BIRC6: variants seen among roughly 807,000 people sequenced by gnomAD.
BIRC6 encodes dual E2 ubiquitin-conjugating enzyme/E3 ubiquitin-protein ligase BIRC6.
Under a neutral mutation model 503.3 loss-of-function variants are expected in BIRC6, and 98 were observed. The ratio of observed to expected loss-of-function variants is 0.19; its 90% CI spans 0.17 to 0.23. The LOEUF (loss-of-function observed/expected upper bound fraction) is 0.23. Ranked by LOEUF, BIRC6 falls within the 10% of genes least tolerant of loss-of-function variation. The pLI is 1.00. For missense variants in BIRC6, 5,360 were observed against 5,806.0 expected (o/e 0.92, Z 2.50); for synonymous variants, 2,240 against 2,078.7 (o/e 1.08, Z -2.11).
In BIRC6 at chr2:32,357,548, C is replaced by T; in HGVS notation, c.325+62C>T. On this transcript the variant is annotated intron_variant, in intron 1 of 73. Transcript: ENST00000421745. The surrounding 1 kb of genome is among the most constrained non-coding windows in gnomAD (Gnocchi z 4.9). Reference sequence around the variant, plus strand: ...GGAAAGAAGCCGTCCAGCCCCGGGGCTCGGCCTCGCGACTCGGGGAAGCGA... The same window carrying T: ...GGAAAGAAGCCGTCCAGCCCCGGGGTTCGGCCTCGCGACTCGGGGAAGCGA... 1 of 1,507,990 alleles carries T rather than the reference C, an allele frequency of 6.6e-7. No individual in the cohort carries two copies. Among genetic ancestry groups the T allele is most frequent in the East Asian group, 2.7e-5 (1 of 37,168 alleles). 93.4% of individuals were successfully genotyped at this position (1,507,990 alleles called of 1,614,324 possible).
At chr2:32,460,272 A>ATATATATATATATTT (rs1278940587) in intron 23 of BIRC6, among the ~76,000 whole-genome samples, 1 of 18,820 alleles carries the variant, frequency 5.3e-5, no homozygotes, top group East Asian at 2.3e-3. Flanking sequence ...ATATATATAT[A>ATATATATATATATTT]TTTTTTTTTT....
At chr2:32,576,239 G>A (rs2060256249) in intron 66 of BIRC6, among the ~76,000 whole-genome samples, 1 of 152,190 alleles carries the variant, frequency 6.6e-6, no homozygotes, top group Non-Finnish European at 1.5e-5. Flanking sequence ...AAAGGATTCA[G>A]TATTTGATGG....
At chr2:32,390,563 G>A (rs552176494) in intron 4 of BIRC6, among the ~76,000 whole-genome samples, 4 of 152,190 alleles carry the variant, frequency 2.6e-5, no homozygotes, top group East Asian at 1.9e-4. Flanking sequence ...TGATCTACCC[G>A]TCTTGGCCTC....
At chr2:32,441,012 G>A (rs2045371806) in intron 16 of BIRC6, among the ~76,000 whole-genome samples, 1 of 151,922 alleles carries the variant, frequency 6.6e-6, no homozygotes, top group African/African-American at 2.4e-5. Flanking sequence ...TGTCTGCCTC[G>A]GCCTCCCAAA....
chr2:32,583,822 C>T (rs1220355906), intron 66 of BIRC6, among the ~76,000 whole-genome samples: 1 of 152,184 alleles, frequency 6.6e-6, no homozygotes, highest in Non-Finnish European at 1.5e-5. Context: ...CCTCCACCTC[C>T]TGGGTTCAAG....
At chr2:32,384,617 C>G (rs2038179475) in intron 3 of BIRC6, among the ~76,000 whole-genome samples, 1 of 152,108 alleles carries the variant, frequency 6.6e-6, no homozygotes, top group Admixed American at 6.5e-5. Flanking sequence ...CTGGCTGTTC[C>G]CCCTGGGAAA....
intron 53 of BIRC6, among the ~76,000 whole-genome samples, chr2:32,511,476 ATTTT>A (rs1166383796): frequency 6.2e-5 from 5 of 80,162 alleles, no homozygotes; most frequent in African/African-American, 2.4e-4. Flanking sequence ...TAACTGACTA[ATTTT>A]TTTTTTTTTT....
At chr2:32,401,749 A>G (rs2040621400) in intron 8 of BIRC6, 126 bp downstream of exon 8, 3 of 784,806 alleles carry the variant, frequency 3.8e-6, no homozygotes, top group Non-Finnish European at 5.7e-6. Flanking sequence ...CAGAGAGTAA[A>G]TGTTTGGTTA....
chr2:32,405,718 G>C (rs932649838), intron 8 of BIRC6, among the ~76,000 whole-genome samples: 1 of 152,156 alleles, frequency 6.6e-6, no homozygotes, highest in African/African-American at 2.4e-5. Flanking sequence ...AAATAAAATT[G>C]CATGTACATG....
chr2:32,478,454 T>C (rs1572506760), intron 35 of BIRC6, among the ~76,000 whole-genome samples, 181 bp from the exon 36 acceptor site: 1 of 152,248 alleles, frequency 6.6e-6, no homozygotes, highest in Non-Finnish European at 1.5e-5. Flanking sequence ...GATTTTAATA[T>C]TTGATTCATG....
intron 46 of BIRC6, among the ~76,000 whole-genome samples, chr2:32,500,436 T>TTTA (rs61115131): frequency 6.7e-6 from 1 of 150,212 alleles, no homozygotes; most frequent in African/African-American, 2.4e-5. Context: ...TTTTTTTTTT[T>TTTA]ACCCCGAGCC....
intron 23 of BIRC6, among the ~76,000 whole-genome samples, chr2:32,455,618 C>T (rs937517467): frequency 6.6e-6 from 1 of 152,074 alleles, no homozygotes; most frequent in African/African-American, 2.4e-5. Context: ...CAGAGTGAGA[C>T]TCCGTCTCAA....
Position 32,362,709 on chromosome 2 carries a change from T to A in BIRC6, c.325+5223T>A, listed in dbSNP as rs117106917. 3.2e-4 allele frequency among the ~76,000 whole-genome samples: 48 copies of A among 152,278 alleles called. 1 individual carries two copies. The East Asian group carries it at 6.2e-3, about 20-fold the overall frequency. On this transcript the variant is annotated intron_variant, in intron 1 of 73. Transcript: ENST00000421745. ...TGTCCTTCACCCTAGCTATTGTTTG[T>A]TCATGAAATTTAGCATAATAGTTAG...
chr2:32,541,672 T>C (rs2057675167), intron 61 of BIRC6, among the ~76,000 whole-genome samples: 2 of 152,234 alleles, frequency 1.3e-5, no homozygotes, highest in South Asian at 2.1e-4. Context: ...AATTAGTATT[T>C]AGTGAAGTGC....
rs757781007 is a variant in BIRC6 at position 32,607,522 on chromosome 2, G to A, written c.14138G>A (p.Arg4713Gln). The change falls in exon 72 of 74, where the codon CGG becomes CAG. Residue 4713 changes from arginine to glutamine, a missense_variant. Arg to Gln is a conservative substitution (Grantham distance 43). This residue lies in a region of BIRC6 where 40 missense variants were observed against 53.4 expected (regional missense o/e 0.75). Coordinates refer to ENST00000421745, the MANE Select transcript of BIRC6 (RefSeq NM_016252.4). ...TATTTTAATGAACCGGGATATGAAC[G>A]GTCTAGAGGCACTCCCAGTGGCACA... is the stretch of plus-strand genomic sequence containing the variant. ...EPYFNEPGYE[R>Q]SRGTPSGTQS... 7 of 1,612,586 alleles carry A rather than the reference G, an allele frequency of 4.3e-6. No homozygotes were observed. The highest frequency in any genetic ancestry group is 2.2e-5 in the South Asian group (2 of 90,970).
At chr2:32,612,751 C>G (rs572591026) in intron 73 of BIRC6, among the ~76,000 whole-genome samples, 17 of 152,310 alleles carry the variant, frequency 1.1e-4, no homozygotes, top group African/African-American at 3.8e-4. Flanking sequence ...GTGATAGATT[C>G]ATGGGACTTC....
chr2:32,491,298 C>A (rs2051676203), intron 43 of BIRC6, 127 bp from the exon 44 acceptor site: 4 of 919,838 alleles, frequency 4.3e-6, no homozygotes, highest in Non-Finnish European at 4.7e-6. Flanking sequence ...AAACTGAAAC[C>A]CCTTTAATAA....
intron 71 of BIRC6, among the ~76,000 whole-genome samples, chr2:32,603,617 G>T (rs1240326423): frequency 3.3e-5 from 5 of 152,080 alleles, no homozygotes; most frequent in African/African-American, 4.8e-5. Context: ...CTACTAGGAG[G>T]CGCCTCTGAG....
intron 5 of BIRC6, among the ~76,000 whole-genome samples, chr2:32,395,232 T>G (rs1256178767): frequency 6.6e-6 from 1 of 152,164 alleles, no homozygotes; most frequent in East Asian, 1.9e-4. Flanking sequence ...ATATTTCAGA[T>G]GCTTTAGTAT....
Sources: gnomAD v4.1 joint callset for allele counts (sites outside exome capture counted in the v4.1 genomes callset) on GRCh38, gnomAD v4.1.1 for gene constraint, gnomAD v4.1.1 regional missense constraint, Gnocchi (gnomAD v3.1) non-coding constraint, MANE v1.5 for transcripts, NCBI Gene and HGNC (gene_info 2026-07-23, HGNC 2026-07-21) for gene names.